Variants in TTC7B observed in about 807,000 individuals in gnomAD.
TTC7B encodes tetratricopeptide repeat domain 7B.
Under a neutral mutation model 106.8 loss-of-function variants are expected in TTC7B, and 28 were observed. The observed-to-expected ratio is 0.26, with a 90% CI of 0.19 to 0.36. The LOEUF is 0.36. Ranked by LOEUF, TTC7B falls within the 10% of genes least tolerant of loss-of-function variation. The pLI, the probability that TTC7B is intolerant of heterozygous loss-of-function variation, is 1.00. For synonymous variants in TTC7B, 405 were observed against 430.6 expected (o/e 0.94, Z 0.74); for missense variants, 862 against 1,076.4 (o/e 0.80, Z 2.79).
chr14:90,752,910 G>C (rs189872801), intron 3 of TTC7B, among the ~76,000 whole-genome samples: 11 of 152,332 alleles, frequency 7.2e-5, no homozygotes, highest in Non-Finnish European at 1.6e-4. Context: ...AGAAATCAAA[G>C]TCTAGAACTT....
chr14:90,740,518 T>C (rs1186080077), intron 4 of TTC7B, among the ~76,000 whole-genome samples: 6 of 144,126 alleles, frequency 4.2e-5, no homozygotes, highest in Non-Finnish European at 9.2e-5. Flanking sequence ...TTTTTTTTTT[T>C]TGAGATGGAG....
intron 19 of TTC7B, among the ~76,000 whole-genome samples, chr14:90,560,066 G>C (rs2139782731): frequency 6.6e-6 from 1 of 152,334 alleles, no homozygotes; most frequent in Non-Finnish European, 1.5e-5. Context: ...CCCCGGGTTA[G>C]GGCCATTTGG....
At chr14:90,812,223 G>A (rs2030935083) in intron 1 of TTC7B, among the ~76,000 whole-genome samples, 1 of 152,108 alleles carries the variant, frequency 6.6e-6, no homozygotes, top group Admixed American at 6.5e-5. Context: ...GCCACTACAG[G>A]TAAGGTCCAA....
chr14:90,797,532 A>G (rs1445683932), intron 1 of TTC7B, among the ~76,000 whole-genome samples: 1 of 151,726 alleles, frequency 6.6e-6, no homozygotes, highest in Non-Finnish European at 1.5e-5. Context: ...AATCCCGGGT[A>G]ACCCAGCATT....
At chr14:90,591,301 G>A (rs181901764) in intron 18 of TTC7B, among the ~76,000 whole-genome samples, 80 of 152,242 alleles carry the variant, frequency 5.3e-4, no homozygotes, top group Admixed American at 3.8e-3. Context: ...AGATCACACC[G>A]TTGTACTCCA....
chr14:90,639,729 C>T (rs1885089817), intron 15 of TTC7B, among the ~76,000 whole-genome samples: 1 of 152,214 alleles, frequency 6.6e-6, no homozygotes, highest in African/African-American at 2.4e-5. Flanking sequence ...AGAAGATTTA[C>T]AAGCACTGTT....
intron 18 of TTC7B, among the ~76,000 whole-genome samples, chr14:90,590,128 G>C (rs1050249010): frequency 9.2e-5 from 14 of 152,162 alleles, no homozygotes; most frequent in African/African-American, 3.4e-4. Context: ...TTTTCACTTT[G>C]TGGCTTTTCA....
intron 3 of TTC7B, among the ~76,000 whole-genome samples, chr14:90,768,377 A>G (rs1890755862): frequency 6.6e-6 from 1 of 152,114 alleles, no homozygotes; most frequent in Admixed American, 6.5e-5. Flanking sequence ...AGAGAGAGTG[A>G]AGGAGAAACT....
intron 4 of TTC7B, among the ~76,000 whole-genome samples, chr14:90,733,925 C>T (rs905373081): frequency 6.6e-6 from 1 of 152,040 alleles, no homozygotes; most frequent in African/African-American, 2.4e-5. Context: ...CATTATTATA[C>T]AAATATTATA....
Position 90,654,993 on chromosome 14 carries a change from C to T in TTC7B, c.1459G>A (p.Ala487Thr). The change falls in exon 12 of 20, where the codon GCT becomes ACT. Residue 487 changes from alanine (A) to threonine (T), a missense_variant and splice_region_variant. Coordinates refer to ENST00000328459, the MANE Select transcript of TTC7B (RefSeq NM_001010854.2). ...GCTGTGGGGGTGGGACGTCTCTCAC[C>T]GTCAGTGGCCTGCAGACTGTACGTG... Reference protein sequence around the residue: ...GLTYSLQATDASLRGMQEVLQ... With the variant: ...GLTYSLQATDTSLRGMQEVLQ... 1 of 1,611,892 alleles carries T rather than the reference C, an allele frequency of 6.2e-7. No homozygotes were observed. Among genetic ancestry groups the T allele is most frequent in the Non-Finnish European group, 8.5e-7 (1 of 1,177,924 alleles).
chr14:90,776,286 T>C (rs1172727488), intron 3 of TTC7B, among the ~76,000 whole-genome samples: 1 of 152,050 alleles, frequency 6.6e-6, no homozygotes, highest in Admixed American at 6.6e-5. Context: ...TCCCAGCAGA[T>C]AGAAGAAACT....
In TTC7B at chr14:90,578,562, G is replaced by A. The variant is rs1891359006; in HGVS notation, c.2108-254C>T. Reference sequence around the variant, plus strand: ...CACCAGGCAGGGAGCAGTGAGGCCTGCCTGGTCCCTGCCCCAACCTCTGAG... The same window carrying A: ...CACCAGGCAGGGAGCAGTGAGGCCTACCTGGTCCCTGCCCCAACCTCTGAG... On this transcript the variant is annotated intron_variant, in intron 18 of 19. Transcript: ENST00000328459. This position sits in a 1 kb window ranked among gnomAD's most constrained non-coding sequence, Gnocchi z 4.7. 6.6e-6 allele frequency among the ~76,000 whole-genome samples: 1 copy of A among 152,062 alleles called. No individual in the cohort carries two copies. The highest frequency in any genetic ancestry group is 2.1e-4 in the South Asian group (1 of 4,820).
At chr14:90,610,935 C>G in intron 16 of TTC7B, 96 bp from the exon 17 acceptor site, 2 of 667,348 alleles carry the variant, frequency 3.0e-6, no homozygotes, top group Non-Finnish European at 5.2e-6. Flanking sequence ...CCAATGAATA[C>G]TTTCTGTGCA....
At chr14:90,672,325 A>G (rs1033896361) in intron 9 of TTC7B, among the ~76,000 whole-genome samples, 1 of 152,222 alleles carries the variant, frequency 6.6e-6, no homozygotes, top group African/African-American at 2.4e-5. Flanking sequence ...GGACTTACTC[A>G]CACACGAGCC....
In TTC7B at chr14:90,528,285, AC is replaced by A. The variant is rs1408864984; in HGVS notation, c.*13082del. 6.6e-6 allele frequency: 1 copy of A among 152,070 alleles called. No homozygotes were observed. Among genetic ancestry groups the A allele is most frequent in the Non-Finnish European group, 1.5e-5 (1 of 68,008 alleles). 9.4% of individuals were successfully genotyped at this position (152,070 alleles called of 1,614,324 possible). A position where few individuals can be genotyped will look rare whatever the true frequency, so the allele number is the denominator to read the frequency against. ...GTCTGGGTTTCAGTGGCTACAGACA[AC>A]CCTCCAAATGGTCAGTTAAGAACCA... On this transcript the variant is annotated 3_prime_UTR_variant, in exon 20 of 20. Coordinates refer to ENST00000328459, the MANE Select transcript of TTC7B (RefSeq NM_001010854.2).
At chr14:90,602,133 C>T in intron 17 of TTC7B, 1 of 456,054 alleles carries the variant, frequency 2.2e-6, no homozygotes, top group Non-Finnish European at 4.4e-6. Context: ...AGGCTCAGGT[C>T]ATTCAAATGC....
chr14:90,603,498 A>AT (rs1275214135), intron 17 of TTC7B, among the ~76,000 whole-genome samples: 2 of 152,340 alleles, frequency 1.3e-5, no homozygotes, highest in Non-Finnish European at 2.9e-5. Flanking sequence ...AGAAAGGCCA[A>AT]CTGGGCATTC....
chr14:90,655,760 G>A (rs1885921520), intron 11 of TTC7B, among the ~76,000 whole-genome samples: 1 of 152,096 alleles, frequency 6.6e-6, no homozygotes, highest in Non-Finnish European at 1.5e-5. Context: ...GAAGTTGGGT[G>A]ATAAGACACT....
At chr14:90,561,269 C>T (rs1035588074) in intron 19 of TTC7B, among the ~76,000 whole-genome samples, 2 of 152,214 alleles carry the variant, frequency 1.3e-5, no homozygotes, top group Non-Finnish European at 2.9e-5. Context: ...AGGTCACTGG[C>T]CAGCATTCAA....
Sources: allele counts gnomAD v4.1 joint callset (sites outside exome capture counted in the v4.1 genomes callset), GRCh38; gene constraint gnomAD v4.1.1; non-coding constraint Gnocchi (gnomAD v3.1); transcripts MANE v1.5; gene names NCBI Gene and HGNC (gene_info 2026-07-23, HGNC 2026-07-21).